The following CNTNAP2 variants were observed in gnomAD, a reference collection of about 807,000 sequenced individuals.
CNTNAP2 encodes the protein contactin-associated protein-like 2.
A neutral mutation model predicts 155.2 loss-of-function variants in CNTNAP2; 98 were observed. The observed-to-expected ratio is 0.63, with a 90% CI of 0.54 to 0.75. The LOEUF is 0.75. Ranked by LOEUF, CNTNAP2 falls within the 30% of genes least tolerant of loss-of-function variation. The pLI, the probability that CNTNAP2 is intolerant of heterozygous loss-of-function variation, is 0.00. For synonymous variants in CNTNAP2, 651 were observed against 631.2 expected (o/e 1.03, Z -0.47); for missense variants, 1,727 against 1,688.1 (o/e 1.02, Z -0.40).
intron 9 of CNTNAP2, among the ~76,000 whole-genome samples, chr7:147,393,692 C>A (rs1525217): frequency 0.16 from 24,768 of 151,444 alleles, 2,167 homozygotes; most frequent in African/African-American, 0.18. Context: ...TAAGTCAATG[C>A]GAATGAAAAA....
chr7:148,141,792 T>C (rs1301059785), intron 16 of CNTNAP2, among the ~76,000 whole-genome samples: 1 of 152,202 alleles, frequency 6.6e-6, no homozygotes, highest in East Asian at 1.9e-4. Flanking sequence ...GAGTTTCTAA[T>C]ATGATGACTT....
intron 11 of CNTNAP2, among the ~76,000 whole-genome samples, chr7:147,534,367 G>A (rs1799503684): frequency 6.6e-6 from 1 of 152,136 alleles, no homozygotes; most frequent in Non-Finnish European, 1.5e-5. Flanking sequence ...AAATCAGTTT[G>A]TATGGTCCCA....
intron 21 of CNTNAP2, among the ~76,000 whole-genome samples, chr7:148,371,515 C>T (rs1017304851): frequency 1.3e-5 from 2 of 152,074 alleles, no homozygotes; most frequent in Non-Finnish European, 2.9e-5. Context: ...CCATTGATGT[C>T]TTTATCCAAG....
At chr7:147,571,331 C>T (rs2116807873) in intron 12 of CNTNAP2, among the ~76,000 whole-genome samples, 1 of 136,414 alleles carries the variant, frequency 7.3e-6, no homozygotes, top group East Asian at 2.2e-4. Flanking sequence ...TCCATGTGTT[C>T]TCATTGTTCA....
At chr7:147,654,209 A>T (rs762175010) in intron 13 of CNTNAP2, among the ~76,000 whole-genome samples, 1 of 152,246 alleles carries the variant, frequency 6.6e-6, no homozygotes. Flanking sequence ...TGGAATAACT[A>T]GACAAATGTT....
intron 13 of CNTNAP2, among the ~76,000 whole-genome samples, chr7:147,647,538 A>G (rs10274799): frequency 0.025 from 3,811 of 152,248 alleles, 166 homozygotes; most frequent in African/African-American, 0.087. Flanking sequence ...CCTAACCTCT[A>G]TCACTTAGCA....
At chr7:146,975,009 A>C (rs147634727) in intron 3 of CNTNAP2, among the ~76,000 whole-genome samples, 1 of 152,180 alleles carries the variant, frequency 6.6e-6, no homozygotes, top group Non-Finnish European at 1.5e-5. Context: ...TAGACAGTAT[A>C]TTCACCAGGT....
intron 13 of CNTNAP2, chr7:147,850,021 C>T (rs1231966819): frequency 2.0e-5 from 3 of 152,190 alleles, no homozygotes; most frequent in African/African-American, 4.8e-5. Flanking sequence ...CCTTCAAGCA[C>T]AGCTTAATTA....
chr7:147,821,574 C>T (rs912442336), intron 13 of CNTNAP2, among the ~76,000 whole-genome samples: 7 of 152,028 alleles, frequency 4.6e-5, no homozygotes, highest in African/African-American at 1.7e-4. Flanking sequence ...AAATGGAAGT[C>T]CTGGAGAAGG....
chr7:146,527,335 G>A (rs554978331), intron 1 of CNTNAP2, among the ~76,000 whole-genome samples: 1 of 152,234 alleles, frequency 6.6e-6, no homozygotes, highest in African/African-American at 2.4e-5. Flanking sequence ...TCCAAAAACA[G>A]TGTTTTTTAT....
At chr7:147,393,832 T>A (rs1456994529) in intron 9 of CNTNAP2, among the ~76,000 whole-genome samples, 1 of 152,044 alleles carries the variant, frequency 6.6e-6, no homozygotes, top group Non-Finnish European at 1.5e-5. Flanking sequence ...TATACAGTAC[T>A]GTGTTAATAG....
chr7:146,512,018 G>A (rs1797474080), intron 1 of CNTNAP2, among the ~76,000 whole-genome samples: 2 of 151,786 alleles, frequency 1.3e-5, no homozygotes, highest in Admixed American at 1.3e-4. Context: ...ATGTACCTAT[G>A]AATTTTTTCT....
chr7:148,048,651 G>A (rs1398427392), intron 15 of CNTNAP2, among the ~76,000 whole-genome samples: 1 of 152,124 alleles, frequency 6.6e-6, no homozygotes, highest in Non-Finnish European at 1.5e-5. Flanking sequence ...AATTCGAGAA[G>A]ATCACCTAAA....
Position 148,385,022 on chromosome 7 carries a change from T to G in CNTNAP2, c.3715+1134T>G, listed in dbSNP as rs566681206. The stretch of plus-strand genomic sequence containing the variant: ...TCCAAATCCTCTCCCCCTGCAAACT[T>G]GTAATTTGTAACAGTTCATTCTCTA... On this transcript the variant is annotated intron_variant, in intron 22 of 23. Transcript: ENST00000361727. Among the ~76,000 whole-genome samples the G allele has an allele frequency of 6.6e-5, 10 of 152,340 alleles. No homozygotes were observed. In the South Asian group the frequency reaches 2.1e-3, roughly 32 times the overall value.
chr7:148,086,020 T>C (rs1490780339), intron 15 of CNTNAP2, among the ~76,000 whole-genome samples: 1 of 152,258 alleles, frequency 6.6e-6, no homozygotes, highest in Non-Finnish European at 1.5e-5. Context: ...AGCCTAGATC[T>C]GTCTCTCTTA....
intron 2 of CNTNAP2, among the ~76,000 whole-genome samples, chr7:146,822,120 C>T (rs1296516365): frequency 1.3e-5 from 2 of 152,106 alleles, no homozygotes; most frequent in African/African-American, 4.8e-5. Context: ...GGCACATATA[C>T]ACTATGGAAT....
chr7:147,512,640 C>T (rs957131663), intron 11 of CNTNAP2, among the ~76,000 whole-genome samples: 3 of 152,074 alleles, frequency 2.0e-5, no homozygotes, highest in Non-Finnish European at 4.4e-5. Flanking sequence ...ATTTAAAGAA[C>T]CATAAATAGA....
At chr7:146,908,455 C>T (rs1378285797) in intron 3 of CNTNAP2, among the ~76,000 whole-genome samples, 46 of 130,222 alleles carry the variant, frequency 3.5e-4, no homozygotes, top group East Asian at 4.3e-4. Flanking sequence ...AACTATCTCT[C>T]AGACCACAGT....
intron 8 of CNTNAP2, among the ~76,000 whole-genome samples, chr7:147,227,177 A>C (rs1015782733): frequency 1.3e-5 from 2 of 152,204 alleles, no homozygotes; most frequent in Non-Finnish European, 2.9e-5. Context: ...GTAGGAAGGA[A>C]GAACTGCAAG....
Sources: gnomAD v4.1 joint callset for allele counts (sites outside exome capture counted in the v4.1 genomes callset) on GRCh38, gnomAD v4.1.1 for gene constraint, MANE v1.5 for transcripts, NCBI Gene and HGNC (gene_info 2026-07-23, HGNC 2026-07-21) for gene names.